Variants in FAT4 observed in about 807,000 individuals in gnomAD.
The protein encoded by FAT4 is protocadherin Fat 4.
A neutral mutation model predicts 303.9 loss-of-function variants in FAT4; 84 were observed. The observed-to-expected ratio is 0.28, with a 90% CI of 0.23 to 0.33. The LOEUF (loss-of-function observed/expected upper bound fraction) is 0.33. Ranked by LOEUF, FAT4 falls within the 10% of genes least tolerant of loss-of-function variation. The probability of loss-of-function intolerance (pLI) is 1.00; values close to 1 mark genes in which losing one functional copy is unlikely to be tolerated. For missense variants in FAT4, 6,005 were observed against 6,146.8 expected (o/e 0.98, Z 0.77); for synonymous variants, 2,307 against 2,298.8 (o/e 1.00, Z -0.10).
At chr4:125,385,020 A>AT (rs1281113902) in intron 2 of FAT4, among the ~76,000 whole-genome samples, 17 of 94,888 alleles carry the variant, frequency 1.8e-4, no homozygotes, top group African/African-American at 6.2e-4. Context: ...ATATATATAT[A>AT]TATATTTTTT....
intron 9 of FAT4, among the ~76,000 whole-genome samples, chr4:125,448,079 G>A (rs1163829049): frequency 6.6e-6 from 1 of 152,078 alleles, no homozygotes; most frequent in Non-Finnish European, 1.5e-5. Context: ...TTGGGTAGAG[G>A]CATAGCACTT....
At chr4:125,325,084 T>C (rs1731101761) in intron 2 of FAT4, among the ~76,000 whole-genome samples, 1 of 152,032 alleles carries the variant, frequency 6.6e-6, no homozygotes, top group African/African-American at 2.4e-5. Flanking sequence ...CACAGATATT[T>C]TGAGTGGGAT....
chr4:125,371,993 C>G (rs1411097612), intron 2 of FAT4, among the ~76,000 whole-genome samples: 1 of 151,976 alleles, frequency 6.6e-6, no homozygotes, highest in Non-Finnish European at 1.5e-5. Context: ...TAGGCATTTA[C>G]TGAATATTTT....
chr4:125,447,262 A>G (rs886087041), intron 9 of FAT4, among the ~76,000 whole-genome samples: 3 of 152,152 alleles, frequency 2.0e-5, no homozygotes, highest in African/African-American at 7.2e-5. Context: ...ATATAGAAAT[A>G]TAGCTCATTA....
intron 2 of FAT4, among the ~76,000 whole-genome samples, chr4:125,381,329 A>G (rs1356522862): frequency 6.6e-6 from 1 of 152,122 alleles, no homozygotes; most frequent in Non-Finnish European, 1.5e-5. Flanking sequence ...TAGCTACTTG[A>G]ATTTTTGATC....
chr4:125,320,319 T>C lies in FAT4; in HGVS notation c.3908T>C (p.Ile1303Thr). The C allele has an allele frequency of 6.2e-7, 1 of 1,613,494 alleles. No individual in the cohort carries two copies. The highest frequency in any genetic ancestry group is 1.7e-5 in the Admixed American group (1 of 60,026). Residue 1303 changes from isoleucine to threonine, a missense_variant, in exon 2 of 18, where the codon ATT becomes ACT. Transcript: ENST00000394329. ...IPLNSTCTLNIDILDENDNTP... is the reference protein window; with the variant it reads ...IPLNSTCTLNTDILDENDNTP... ...CTCAATTCAACGTGTACTTTAAATA[T>C]TGATATTTTAGATGAAAATGACAAT...
Position 125,367,495 on chromosome 4 carries a change from C to T in FAT4, c.5176-31289C>T, listed in dbSNP as rs144623941. Among the ~76,000 whole-genome samples, 595 of 152,134 alleles carry T rather than the reference C, an allele frequency of 3.9e-3. 3 individuals are homozygous for T. The highest frequency in any genetic ancestry group is 0.014 in the African/African-American group (569 of 41,524). ...ACTAATCCAGGAAAGTAAAGGACTG[C>T]GTATGTTTTAAGCACCTATTAACGT... On this transcript the variant is annotated intron_variant, in intron 2 of 17. Transcript: ENST00000394329.
Position 125,414,943 on chromosome 4 carries a change from G to T in FAT4, c.5980G>T (p.Val1994Phe). 6.2e-7 allele frequency: 1 copy of T among 1,613,648 alleles called. No homozygotes were observed. Among genetic ancestry groups the T allele is most frequent in the Non-Finnish European group, 8.5e-7 (1 of 1,179,656 alleles). The change falls in exon 6 of 18, where the codon GTT becomes TTT. Residue 1994 changes from valine to phenylalanine, a missense_variant. Coordinates refer to ENST00000394329, the MANE Select transcript of FAT4 (RefSeq NM_001291303.3). ...ASGDSLGQFTVDKNGVLKVLK... is the reference protein window; with the variant it reads ...ASGDSLGQFTFDKNGVLKVLK... Reference sequence around the variant, plus strand: ...AGGTGATAGCCTTGGGCAGTTTACTGTTGACAAGAATGGTGTACTCAAAGT... The same window carrying T: ...AGGTGATAGCCTTGGGCAGTTTACTTTTGACAAGAATGGTGTACTCAAAGT...
rs200526406 is a variant in FAT4 at position 125,409,258 on chromosome 4, A to AT, written c.5920+479dup. Reference sequence around the variant, plus strand: ...ATTTTTGGCTGACAAATAGCTAATAATTTTTTTTTTTTTTTGAGACAGAGT... The same window carrying AT: ...ATTTTTGGCTGACAAATAGCTAATAATTTTTTTTTTTTTTTTGAGACAGAGT... On this transcript the variant is annotated intron_variant, in intron 5 of 17. Transcript: ENST00000394329. Among the ~76,000 whole-genome samples the AT allele has an allele frequency of 6.5e-3, 936 of 144,854 alleles. 7 individuals are homozygous for AT. Among genetic ancestry groups the AT allele is most frequent in the African/African-American group, 0.018 (702 of 39,914 alleles).
At position 125,444,861 on chromosome 4, in the gene FAT4, A is replaced by G. The variant is rs184774435; in HGVS notation, c.7200-1432A>G. Among the ~76,000 whole-genome samples, 12 of 152,220 alleles carry G rather than the reference A, an allele frequency of 7.9e-5. No homozygotes were observed. The East Asian group carries it at 1.9e-3, about 24-fold the overall frequency. On this transcript the variant is annotated intron_variant, in intron 8 of 17. Transcript: ENST00000394329. ...AAGGTTCCAAAAATAAAATTACACA[A>G]TTCTCAAATCCAGTTTTCTACACTT...
At chr4:125,380,589 A>C (rs186306591) in intron 2 of FAT4, among the ~76,000 whole-genome samples, 61 of 152,338 alleles carry the variant, frequency 4.0e-4, no homozygotes, top group African/African-American at 1.3e-3. Flanking sequence ...TCTTATTAAA[A>C]ATTATTATCT....
At chr4:125,458,451 A>G (rs569508984) in intron 10 of FAT4, among the ~76,000 whole-genome samples, 1 of 152,056 alleles carries the variant, frequency 6.6e-6, no homozygotes, top group East Asian at 1.9e-4. Context: ...TGACCGGAAA[A>G]CCATATAATA....
chr4:125,371,080 A>T, intron 2 of FAT4, among the ~76,000 whole-genome samples: 1 of 150,232 alleles, frequency 6.7e-6, no homozygotes, highest in Admixed American at 6.7e-5. Flanking sequence ...TCTGGGAGGC[A>T]GAGGTTGCAG....
intron 2 of FAT4, among the ~76,000 whole-genome samples, chr4:125,357,300 G>A (rs917657271): frequency 6.6e-6 from 1 of 151,948 alleles, no homozygotes; most frequent in Non-Finnish European, 1.5e-5. Flanking sequence ...GTTTTTTCAT[G>A]AATTTAGGCA....
chr4:125,384,266 C>T (rs1011338243), intron 2 of FAT4, among the ~76,000 whole-genome samples: 7 of 152,146 alleles, frequency 4.6e-5, no homozygotes, highest in South Asian at 2.1e-4. Context: ...AAAGTGGTTG[C>T]ACCATCTTAT....
chr4:125,442,374 A>T (rs1166095050), intron 8 of FAT4, among the ~76,000 whole-genome samples: 1 of 151,960 alleles, frequency 6.6e-6, no homozygotes, highest in Non-Finnish European at 1.5e-5. Context: ...GATTTTTTTT[A>T]ACCTACTTAA....
intron 2 of FAT4, among the ~76,000 whole-genome samples, chr4:125,375,603 G>GCTGA (rs1733283131): frequency 6.6e-6 from 1 of 152,156 alleles, no homozygotes; most frequent in Admixed American, 6.6e-5. Context: ...ACTGCACTAA[G>GCTGA]AGTAAACTTT....
intron 2 of FAT4, among the ~76,000 whole-genome samples, chr4:125,369,047 G>C (rs921770206): frequency 2.6e-5 from 4 of 152,064 alleles, no homozygotes; most frequent in African/African-American, 9.7e-5. Flanking sequence ...TATATAGCTT[G>C]AATTGTATTT....
chr4:125,317,355 C>CCCCTGGACT lies in FAT4; in HGVS notation c.944_945insCCCTGGACT (p.Ala315_Arg316insProGlyLeu), dbSNP rs1560752588. ...GTGCGGGAGCCCCTGGACTTCGAAG[C>CCCCTGGACT]TCGGCGCCAATACTCGCTTACGGTG... is the stretch of plus-strand genomic sequence containing the variant. On this transcript the variant is annotated inframe_insertion, in exon 2 of 18. Transcript: ENST00000394329. This position sits in a 1 kb window ranked among gnomAD's most constrained non-coding sequence, Gnocchi z 7.0. 6.2e-7 allele frequency: 1 copy of CCCCTGGACT among 1,612,794 alleles called. No individual in the cohort carries two copies. Among genetic ancestry groups the CCCCTGGACT allele is most frequent in the Non-Finnish European group, 8.5e-7 (1 of 1,179,664 alleles).
Sources: allele counts gnomAD v4.1 joint callset (sites outside exome capture counted in the v4.1 genomes callset), GRCh38; gene constraint gnomAD v4.1.1; non-coding constraint Gnocchi (gnomAD v3.1); transcripts MANE v1.5; gene names NCBI Gene and HGNC (gene_info 2026-07-23, HGNC 2026-07-21).